The following ABCA13 variants were observed in gnomAD, a reference collection of about 807,000 sequenced individuals.
The protein encoded by ABCA13 is ATP-binding cassette sub-family A member 13.
In ABCA13, 476 loss-of-function variants were observed where a neutral mutation model predicts 478.7. The ratio of observed to expected loss-of-function variants is 0.99; its 90% CI spans 0.92 to 1.07. ABCA13 has a LOEUF of 1.07. Among genes scored for constraint, ABCA13 ranks in the 50% least tolerant of loss-of-function variants. The pLI is 0.00. For missense variants in ABCA13, 6,060 were observed against 5,910.6 expected (o/e 1.03, Z -0.83); for synonymous variants, 2,252 against 2,158.9 (o/e 1.04, Z -1.20).
In ABCA13 at chr7:48,561,011, A is replaced by G. The variant is rs552346843; in HGVS notation, c.14355-19213A>G. Among the ~76,000 whole-genome samples, 9 of 152,300 alleles carry G rather than the reference A, an allele frequency of 5.9e-5. No homozygotes were observed. In the South Asian group the frequency reaches 6.2e-4, roughly 11 times the overall value. Reference sequence around the variant, plus strand: ...AACATAATGTTCTCTAATTCTGTCCATATCATCACAAATGACATAATTTCT... The same window carrying G: ...AACATAATGTTCTCTAATTCTGTCCGTATCATCACAAATGACATAATTTCT... On this transcript the variant is annotated intron_variant, in intron 55 of 61. Coordinates refer to ENST00000435803, the MANE Select transcript of ABCA13 (RefSeq NM_152701.5).
intron 35 of ABCA13, among the ~76,000 whole-genome samples, chr7:48,379,478 A>C (rs988919403): frequency 6.6e-6 from 1 of 152,206 alleles, no homozygotes; most frequent in African/African-American, 2.4e-5. Context: ...TAAAAATTTT[A>C]ATATAAAAGA....
chr7:48,551,434 A>G (rs1240250718), intron 55 of ABCA13, among the ~76,000 whole-genome samples: 1 of 151,898 alleles, frequency 6.6e-6, no homozygotes, highest in Non-Finnish European at 1.5e-5. Flanking sequence ...AATTTTTCAA[A>G]AATTTGAATT....
Position 48,646,521 on chromosome 7 carries a change from A to AT in ABCA13, c.*1012dup, listed in dbSNP as rs959912078. 6 of 145,196 alleles carry AT rather than the reference A, an allele frequency of 4.1e-5. No homozygotes were observed. Among genetic ancestry groups the AT allele is most frequent in the African/African-American group, 1.6e-4 (6 of 38,486 alleles). 9.0% of individuals were successfully genotyped at this position (145,196 alleles called of 1,614,324 possible). On this transcript the variant is annotated 3_prime_UTR_variant, in exon 62 of 62. Transcript: ENST00000435803. Reference sequence around the variant, plus strand: ...GCATAGTATGTAGTCTTTTTTATTTATTTATTTTTTTTTTTTGAGGCGGAG... The same window carrying AT: ...GCATAGTATGTAGTCTTTTTTATTTATTTTATTTTTTTTTTTTGAGGCGGAG...
intron 58 of ABCA13, among the ~76,000 whole-genome samples, chr7:48,613,577 A>G (rs1178856730): frequency 7.0e-6 from 1 of 142,796 alleles, no homozygotes; most frequent in Non-Finnish European, 1.6e-5. Context: ...TGCTTAGAAA[A>G]TATCTTCCCA....
chr7:48,528,362 A>C lies in ABCA13; in HGVS notation c.14354+17A>C. The stretch of plus-strand genomic sequence containing the variant: ...TCCCATGGGGTAAGATACAGATTTC[A>C]TCATTTTTGTTGCTTAAAGAGATAA... On this transcript the variant is annotated intron_variant, in intron 55 of 61. Transcript: ENST00000435803. 29 of 1,500,570 alleles carry C rather than the reference A, an allele frequency of 1.9e-5. No homozygotes were observed. The highest frequency in any genetic ancestry group is 2.3e-5 in the Non-Finnish European group (26 of 1,115,374). 93.0% of individuals were successfully genotyped at this position (1,500,570 alleles called of 1,614,324 possible).
At chr7:48,500,068 C>A (rs1830611413) in intron 48 of ABCA13, among the ~76,000 whole-genome samples, 1 of 152,174 alleles carries the variant, frequency 6.6e-6, no homozygotes, top group Non-Finnish European at 1.5e-5. Flanking sequence ...TTATGCTTGA[C>A]CTCAGATAAG....
chr7:48,186,799 T>G (rs1796408828), intron 1 of ABCA13, among the ~76,000 whole-genome samples: 1 of 152,046 alleles, frequency 6.6e-6, no homozygotes, highest in Non-Finnish European at 1.5e-5. Context: ...AAAAATGACA[T>G]TCTTTTAGCA....
At chr7:48,570,577 C>T (rs1787538043) in intron 55 of ABCA13, among the ~76,000 whole-genome samples, 1 of 151,900 alleles carries the variant, frequency 6.6e-6, no homozygotes. Context: ...CCCGCCTCGG[C>T]CTCCCAAAGT....
intron 55 of ABCA13, among the ~76,000 whole-genome samples, chr7:48,552,363 T>C (rs888114107): frequency 6.6e-6 from 1 of 151,818 alleles, no homozygotes; most frequent in Non-Finnish European, 1.5e-5. Flanking sequence ...TTAGAGGATG[T>C]TGTTTTACTC....
chr7:48,393,026 A>G (rs1816299574), intron 38 of ABCA13, among the ~76,000 whole-genome samples: 1 of 152,208 alleles, frequency 6.6e-6, no homozygotes, highest in South Asian at 2.1e-4. Context: ...TAGGGTATCC[A>G]GGATGGGAAG....
In ABCA13 at chr7:48,454,440, AT is replaced by A. The variant is rs749138263; in HGVS notation, c.12566-593del. Reference sequence around the variant, plus strand: ...TGCACAGCTCACGCTTTCCTTTCGAATTTTGCTTGTGGATCGCTCTGATAGC... The same window carrying A: ...TGCACAGCTCACGCTTTCCTTTCGAATTTGCTTGTGGATCGCTCTGATAGC... On this transcript the variant is annotated intron_variant, in intron 42 of 61. Transcript: ENST00000435803. Among the ~76,000 whole-genome samples the A allele has an allele frequency of 5.3e-5, 8 of 152,278 alleles. No individual in the cohort carries two copies. The East Asian group carries it at 1.2e-3, about 22-fold the overall frequency.
Position 48,615,381 on chromosome 7 carries a change from C to T in ABCA13, c.14837+4C>T, listed in dbSNP as rs375917690. 9.8e-5 allele frequency: 153 copies of T among 1,556,858 alleles called. No homozygotes were observed. Among genetic ancestry groups the T allele is most frequent in the South Asian group, 3.6e-5 (3 of 84,104 alleles). On this transcript the variant is annotated splice_donor_region_variant and intron_variant, in intron 59 of 61. Coordinates refer to ENST00000435803, the MANE Select transcript of ABCA13 (RefSeq NM_152701.5). ...CTCCTCAGCACATCAAAAATAGGTGCGTTGAAGTTCTCCTTTTGCTTAGAT... is the reference window on the plus strand; with the variant it reads ...CTCCTCAGCACATCAAAAATAGGTGTGTTGAAGTTCTCCTTTTGCTTAGAT...
intron 38 of ABCA13, among the ~76,000 whole-genome samples, chr7:48,399,426 C>A (rs140785370): frequency 1.6e-3 from 248 of 152,242 alleles, no homozygotes; most frequent in African/African-American, 5.8e-3. Flanking sequence ...ATAGAAGGAC[C>A]AAGAGCTGAG....
intron 58 of ABCA13, among the ~76,000 whole-genome samples, chr7:48,611,258 A>G (rs554169961): frequency 9.2e-5 from 14 of 152,268 alleles, no homozygotes; most frequent in South Asian, 8.3e-4. Flanking sequence ...CACTATCAGC[A>G]TTTTGGTCAC....
At position 48,647,468 on chromosome 7, in the gene ABCA13, A is replaced by G. The variant is rs1795494909; in HGVS notation, c.*1956A>G. 1 of 152,244 alleles carries G rather than the reference A, an allele frequency of 6.6e-6. No individual in the cohort carries two copies. Among genetic ancestry groups the G allele is most frequent in the African/African-American group, 2.4e-5 (1 of 41,466 alleles). The allele number at this position is 152,244 out of a possible 1,614,324, so 9.4% of individuals were successfully genotyped here. On this transcript the variant is annotated 3_prime_UTR_variant, in exon 62 of 62. Transcript: ENST00000435803. ...CATGAATGTGTTTAAACTGCAGTGA[A>G]TAAATGAGATGTGCTTTAATTTAAC... is the stretch of plus-strand genomic sequence containing the variant.
At chr7:48,601,174 C>T (rs147346078) in intron 58 of ABCA13, among the ~76,000 whole-genome samples, 12 of 152,100 alleles carry the variant, frequency 7.9e-5, no homozygotes, top group African/African-American at 2.9e-4. Flanking sequence ...TTTTTATCCC[C>T]TTCTTCAGAA....
intron 29 of ABCA13, among the ~76,000 whole-genome samples, chr7:48,340,883 A>C (rs1021806893): frequency 1.3e-5 from 2 of 152,238 alleles, no homozygotes; most frequent in African/African-American, 4.8e-5. Flanking sequence ...ACTCCATAGT[A>C]TGAATTTAAA....
intron 55 of ABCA13, among the ~76,000 whole-genome samples, chr7:48,563,252 A>G (rs149125863): frequency 8.8e-5 from 13 of 148,442 alleles, no homozygotes; most frequent in Non-Finnish European, 1.4e-4. Flanking sequence ...TACAGTGAGA[A>G]GGAGTTGTTC....
At position 48,462,174 on chromosome 7, in the gene ABCA13, A is replaced by T. The variant is rs564929675; in HGVS notation, c.12816-4782A>T. On this transcript the variant is annotated intron_variant, in intron 43 of 61. Transcript: ENST00000435803. ...TGTGAGTAAATGTGAAAAGTAAGGC[A>T]GGAAGTCTAGCAGAAGCCTTGATGG... 3.5e-4 allele frequency among the ~76,000 whole-genome samples: 53 copies of T among 152,136 alleles called. No individual in the cohort carries two copies. In the South Asian group the frequency reaches 8.7e-3, roughly 25 times the overall value.
Sources: allele counts gnomAD v4.1 joint callset (sites outside exome capture counted in the v4.1 genomes callset), GRCh38; gene constraint gnomAD v4.1.1; transcripts MANE v1.5; gene names NCBI Gene and HGNC (gene_info 2026-07-23, HGNC 2026-07-21).